RIMS2: variants seen among roughly 807,000 people sequenced by gnomAD.
RIMS2 encodes the protein regulating synaptic membrane exocytosis protein 2.
In RIMS2, 59 loss-of-function variants were observed where a neutral mutation model predicts 174.4. The observed-to-expected ratio is 0.34, with a 90% confidence interval of 0.27 to 0.42. The LOEUF (loss-of-function observed/expected upper bound fraction) is 0.42, where lower values mean the gene tolerates loss of function less well. RIMS2 is among the 10% of genes least tolerant of loss of function. RIMS2 has a pLI of 1.00. For synonymous variants in RIMS2, 606 were observed against 572.5 expected (o/e 1.06, Z -0.84); for missense variants, 1,620 against 1,666.3 (o/e 0.97, Z 0.48).
intron 19 of RIMS2, among the ~76,000 whole-genome samples, chr8:104,141,133 A>T (rs2098564922): frequency 6.6e-6 from 1 of 152,062 alleles, no homozygotes; most frequent in South Asian, 2.1e-4. Flanking sequence ...TAAAAAAAAG[A>T]TACTGAAAAA....
chr8:103,936,501 C>A, intron 12 of RIMS2, 50 bp from the exon 15 acceptor site: 2 of 1,259,548 alleles, frequency 1.6e-6, no homozygotes, highest in Non-Finnish European at 1.1e-6. Flanking sequence ...AATTTTAGGA[C>A]AAAACTTATA....
intron 3 of RIMS2, among the ~76,000 whole-genome samples, chr8:103,777,058 G>A (rs190342000): frequency 6.6e-6 from 1 of 152,044 alleles, no homozygotes; most frequent in Non-Finnish European, 1.5e-5. Flanking sequence ...AGCAAGGGAA[G>A]AATTGAACAC....
At chr8:104,073,096 T>G (rs1285422847) in intron 19 of RIMS2, among the ~76,000 whole-genome samples, 1 of 152,168 alleles carries the variant, frequency 6.6e-6, no homozygotes, top group Non-Finnish European at 1.5e-5. Context: ...CTCTTTATTT[T>G]CTCAGAAAAA....
At chr8:103,570,527 T>C (rs1297858054) in intron 1 of RIMS2, among the ~76,000 whole-genome samples, 1 of 152,122 alleles carries the variant, frequency 6.6e-6, no homozygotes, top group East Asian at 1.9e-4. Flanking sequence ...TTGCAGGAGA[T>C]TGTAAATGTG....
intron 3 of RIMS2, among the ~76,000 whole-genome samples, chr8:103,827,840 A>T (rs897395735): frequency 6.6e-6 from 1 of 152,148 alleles, no homozygotes; most frequent in Non-Finnish European, 1.5e-5. Context: ...CTTTATCTCA[A>T]AAAATAAAAA....
At chr8:103,517,479 A>G (rs1200943974) in intron 1 of RIMS2, among the ~76,000 whole-genome samples, 1 of 151,142 alleles carries the variant, frequency 6.6e-6, no homozygotes, top group African/African-American at 2.5e-5. Flanking sequence ...CAGGACTGAT[A>G]TTCAATTGAC....
intron 19 of RIMS2, among the ~76,000 whole-genome samples, chr8:104,204,277 C>G (rs1291399201): frequency 6.6e-6 from 1 of 152,072 alleles, no homozygotes; most frequent in Non-Finnish European, 1.5e-5. Flanking sequence ...GTGCATGTTA[C>G]GTGTTAATAA....
intron 2 of RIMS2, among the ~76,000 whole-genome samples, chr8:103,723,971 C>T (rs969837602): frequency 6.6e-6 from 1 of 152,130 alleles, no homozygotes; most frequent in Non-Finnish European, 1.5e-5. Flanking sequence ...TCCACAGGAG[C>T]TGGCTTTGTG....
At chr8:104,175,685 A>G (rs2098884401) in intron 19 of RIMS2, among the ~76,000 whole-genome samples, 1 of 152,188 alleles carries the variant, frequency 6.6e-6, no homozygotes, top group Non-Finnish European at 1.5e-5. Context: ...ATAAAGGTGG[A>G]TTTTGAAGAA....
At chr8:104,100,989 T>C (rs2097875933) in intron 19 of RIMS2, among the ~76,000 whole-genome samples, 1 of 138,222 alleles carries the variant, frequency 7.2e-6, no homozygotes, top group Admixed American at 7.4e-5. Flanking sequence ...ATATATTATA[T>C]AGTATATGTT....
intron 2 of RIMS2, among the ~76,000 whole-genome samples, chr8:103,738,496 C>A (rs1348064778): frequency 6.6e-6 from 1 of 152,070 alleles, no homozygotes. Flanking sequence ...TCTAAAACAC[C>A]AAAAGCAATA....
intron 19 of RIMS2, among the ~76,000 whole-genome samples, chr8:104,231,665 C>T (rs961887940): frequency 1.3e-5 from 2 of 152,170 alleles, no homozygotes; most frequent in Non-Finnish European, 1.5e-5. Context: ...TTAGTTTCCT[C>T]ATTTGTATGT....
intron 2 of RIMS2, among the ~76,000 whole-genome samples, chr8:103,720,085 G>C (rs1184798656): frequency 6.6e-6 from 1 of 152,100 alleles, no homozygotes; most frequent in East Asian, 1.9e-4. Flanking sequence ...GGGTGTGGAA[G>C]GGTGATATAT....
chr8:103,670,970 T>C (rs1443892652), intron 1 of RIMS2, among the ~76,000 whole-genome samples: 1 of 152,170 alleles, frequency 6.6e-6, no homozygotes, highest in Non-Finnish European at 1.5e-5. Flanking sequence ...TTTCATGCTG[T>C]TGATAATGAC....
intron 2 of RIMS2, among the ~76,000 whole-genome samples, chr8:103,704,540 AT>A (rs2097202382): frequency 6.6e-6 from 1 of 152,000 alleles, no homozygotes; most frequent in African/African-American, 2.4e-5. Flanking sequence ...TTTGAGTAGG[AT>A]TGGTATTAAT....
chr8:103,812,554 G>T (rs1321468487), intron 3 of RIMS2, among the ~76,000 whole-genome samples: 1 of 151,912 alleles, frequency 6.6e-6, no homozygotes, highest in East Asian at 1.9e-4. Context: ...GCTAATTTTT[G>T]TATTTTTAGT....
At chr8:103,815,224 A>G (rs1030227016) in intron 3 of RIMS2, among the ~76,000 whole-genome samples, 10 of 152,190 alleles carry the variant, frequency 6.6e-5, no homozygotes, top group Admixed American at 6.5e-5. Context: ...ATGTTGTACC[A>G]ATGTACACTC....
chr8:103,835,009 G>T (rs1456815050), intron 3 of RIMS2, among the ~76,000 whole-genome samples: 20 of 151,684 alleles, frequency 1.3e-4, no homozygotes, highest in Admixed American at 1.3e-3. Flanking sequence ...GGACTCAAGC[G>T]ATCTGCCCAC....
At chr8:103,811,091 C>T (rs561666178) in intron 3 of RIMS2, among the ~76,000 whole-genome samples, 2 of 152,152 alleles carry the variant, frequency 1.3e-5, no homozygotes, top group South Asian at 4.1e-4. Context: ...AGTTCCAGGG[C>T]TATAAACATT....
Sources: allele counts gnomAD v4.1 joint callset (sites outside exome capture counted in the v4.1 genomes callset), GRCh38; gene constraint gnomAD v4.1.1; transcripts MANE v1.5; gene names NCBI Gene and HGNC (gene_info 2026-07-23, HGNC 2026-07-21).